The following ANKH variants were observed in gnomAD, a reference collection of about 807,000 sequenced individuals.
ANKH encodes ANKH inorganic pyrophosphate transport regulator.
Under a neutral mutation model 49.0 loss-of-function variants are expected in ANKH, and 15 were observed. The ratio of observed to expected loss-of-function variants is 0.31; its 90% CI spans 0.20 to 0.47. ANKH has a LOEUF of 0.47. Among genes scored for constraint, ANKH ranks in the 20% least tolerant of loss-of-function variants. The probability of loss-of-function intolerance (pLI) is 1.00; values close to 1 mark genes in which losing one functional copy is unlikely to be tolerated. For missense variants in ANKH, 429 were observed against 652.0 expected (o/e 0.66, Z 3.72); for synonymous variants, 273 against 260.0 (o/e 1.05, Z -0.48).
chr5:14,786,564 C>T (rs1254852800), intron 1 of ANKH, among the ~76,000 whole-genome samples: 1 of 152,152 alleles, frequency 6.6e-6, no homozygotes, highest in Admixed American at 6.5e-5. Flanking sequence ...AAGCAATGCT[C>T]ACAGGGCACA....
chr5:14,810,018 G>A (rs1740830525), intron 1 of ANKH, among the ~76,000 whole-genome samples: 1 of 152,092 alleles, frequency 6.6e-6, no homozygotes, highest in East Asian at 1.9e-4. Flanking sequence ...TGGCACTAGT[G>A]CCTGTTTTCC....
At chr5:14,860,943 CG>C (rs1312288285) in intron 1 of ANKH, among the ~76,000 whole-genome samples, 6 of 151,936 alleles carry the variant, frequency 3.9e-5, no homozygotes, top group Non-Finnish European at 8.8e-5. Flanking sequence ...CCACCACACC[CG>C]GCTAATTTTT....
intron 2 of ANKH, chr5:14,768,144 C>G (rs1282919145): frequency 6.6e-6 from 1 of 152,226 alleles, no homozygotes; most frequent in Non-Finnish European, 1.5e-5. Flanking sequence ...CATGCAAACA[C>G]ACTGTAAACG....
intron 1 of ANKH, among the ~76,000 whole-genome samples, chr5:14,856,645 C>T (rs1461298829): frequency 8.1e-6 from 1 of 123,280 alleles, no homozygotes; most frequent in African/African-American, 3.1e-5. Flanking sequence ...GATACAGACT[C>T]GAAATAACAA....
intron 1 of ANKH, among the ~76,000 whole-genome samples, chr5:14,830,302 G>A (rs149004182): frequency 1.6e-4 from 25 of 152,240 alleles, no homozygotes; most frequent in Admixed American, 9.2e-4. Flanking sequence ...GGCTTGCCCC[G>A]TGTTGAACTT....
intron 4 of ANKH, among the ~76,000 whole-genome samples, chr5:14,754,924 A>C (rs574046070): frequency 7.2e-5 from 11 of 152,220 alleles, no homozygotes; most frequent in African/African-American, 2.6e-4. Flanking sequence ...AAAAATACAA[A>C]AATTAGCCAG....
At chr5:14,730,065 T>C (rs1737946417) in intron 8 of ANKH, among the ~76,000 whole-genome samples, 2 of 152,178 alleles carry the variant, frequency 1.3e-5, no homozygotes, top group African/African-American at 2.4e-5. Flanking sequence ...TGTGCTGTGA[T>C]CCATGCTGGG....
At chr5:14,866,479 T>C (rs1353898291) in intron 1 of ANKH, among the ~76,000 whole-genome samples, 3 of 152,238 alleles carry the variant, frequency 2.0e-5, no homozygotes, top group Admixed American at 6.5e-5. Flanking sequence ...ATTTGTTCTA[T>C]GTCATTTGGT....
At chr5:14,772,140 T>A (rs1739467138) in intron 1 of ANKH, among the ~76,000 whole-genome samples, 1 of 152,086 alleles carries the variant, frequency 6.6e-6, no homozygotes, top group African/African-American at 2.4e-5. Flanking sequence ...CTGTGGTCCC[T>A]ACATGTAATC....
intron 8 of ANKH, among the ~76,000 whole-genome samples, chr5:14,722,396 G>T (rs1024966121): frequency 3.9e-5 from 6 of 152,092 alleles, no homozygotes; most frequent in Admixed American, 6.6e-5. Context: ...CCAGATCTTG[G>T]TTTTTCTATT....
At chr5:14,777,061 C>T (rs1416139027) in intron 1 of ANKH, among the ~76,000 whole-genome samples, 7 of 152,218 alleles carry the variant, frequency 4.6e-5, no homozygotes, top group Non-Finnish European at 1.0e-4. Flanking sequence ...GCAGGTGGAT[C>T]ACCTGAAGTC....
intron 3 of ANKH, among the ~76,000 whole-genome samples, chr5:14,758,128 A>G (rs1738959614): frequency 6.6e-6 from 1 of 152,212 alleles, no homozygotes; most frequent in Non-Finnish European, 1.5e-5. Context: ...CTGCTACTAC[A>G]TTGTTAAACT....
rs1385514890 is a variant in ANKH, at chr5:14,713,180, G to C, written c.1266-207C>G. ...GGGGCTGGGCCACCTCCCTCCCACA[G>C]CACATGGATCCCACAGCCCTTCCCA... is the stretch of plus-strand genomic sequence containing the variant. On this transcript the variant is annotated intron_variant, in intron 10 of 11. Coordinates refer to ENST00000284268, the MANE Select transcript of ANKH (RefSeq NM_054027.6). The surrounding 1 kb of genome is among the most constrained non-coding windows in gnomAD (Gnocchi z 4.4). Among the ~76,000 whole-genome samples the C allele has an allele frequency of 1.3e-5, 2 of 152,174 alleles. No individual in the cohort carries two copies. The highest frequency in any genetic ancestry group is 2.9e-5 in the Non-Finnish European group (2 of 68,018).
chr5:14,739,616 C>T (rs761805450), intron 8 of ANKH, among the ~76,000 whole-genome samples: 4 of 152,146 alleles, frequency 2.6e-5, no homozygotes, highest in Non-Finnish European at 2.9e-5. Flanking sequence ...TGGTGGCAAG[C>T]GCCCCAATCT....
At chr5:14,797,168 A>G (rs2126554965) in intron 1 of ANKH, 1 of 1,339,604 alleles carries the variant, frequency 7.5e-7, no homozygotes, top group East Asian at 2.4e-5. Context: ...CAGGGTCTTC[A>G]TCATTATAAA....
chr5:14,866,296 G>A (rs1479701308), intron 1 of ANKH, among the ~76,000 whole-genome samples: 2 of 152,116 alleles, frequency 1.3e-5, no homozygotes, highest in African/African-American at 2.4e-5. Context: ...GTGAGCCACC[G>A]CGCCTGGCAC....
chr5:14,753,858 A>T (rs1033621335), intron 4 of ANKH, among the ~76,000 whole-genome samples: 4 of 152,254 alleles, frequency 2.6e-5, no homozygotes, highest in African/African-American at 9.6e-5. Context: ...TTGAGGCATT[A>T]TAAATGATTT....
At chr5:14,806,541 G>T (rs914341580) in intron 1 of ANKH, among the ~76,000 whole-genome samples, 2 of 152,078 alleles carry the variant, frequency 1.3e-5, no homozygotes, top group Admixed American at 1.3e-4. Context: ...GTGGTCAGGG[G>T]AGTGGCTGTG....
chr5:14,739,375 C>T (rs1414517948), intron 8 of ANKH, among the ~76,000 whole-genome samples: 3 of 152,052 alleles, frequency 2.0e-5, no homozygotes, highest in African/African-American at 7.2e-5. Flanking sequence ...CGAGATCATG[C>T]GCCTGCACTC....
Sources: gnomAD v4.1 joint callset for allele counts (sites outside exome capture counted in the v4.1 genomes callset) on GRCh38, gnomAD v4.1.1 for gene constraint, Gnocchi (gnomAD v3.1) non-coding constraint, MANE v1.5 for transcripts, NCBI Gene and HGNC (gene_info 2026-07-23, HGNC 2026-07-21) for gene names.